Variants in ALK observed in about 807,000 individuals in gnomAD.
The protein encoded by ALK is ALK tyrosine kinase receptor.
A neutral mutation model predicts 163.1 loss-of-function variants in ALK; 74 were observed. The observed-to-expected ratio is 0.45, with a 90% confidence interval of 0.38 to 0.55. The LOEUF is 0.55. Among genes scored for constraint, ALK ranks in the 20% least tolerant of loss-of-function variants. The probability of loss-of-function intolerance (pLI) is 0.00; values close to 1 mark genes in which losing one functional copy is unlikely to be tolerated. For missense variants in ALK, 2,063 were observed against 2,105.3 expected, an observed-to-expected ratio of 0.98 and a Z score of 0.39; for synonymous variants, 960 against 843.2, an observed-to-expected ratio of 1.14 and a Z score of -2.40.
chr2:29,733,389 G>T (rs552320799), intron 1 of ALK, among the ~76,000 whole-genome samples: 2 of 152,320 alleles, frequency 1.3e-5, no homozygotes, highest in Non-Finnish European at 2.9e-5. Context: ...GGGAATCCCA[G>T]ATGGTACCAT....
Position 29,591,033 on chromosome 2 carries a change from C to CGCA in ALK, c.953-58920_953-58918dup, listed in dbSNP as rs1472745430. On this transcript the variant is annotated intron_variant, in intron 3 of 28. Transcript: ENST00000389048. Reference sequence around the variant, plus strand: ...TTGCAGTGAGCCGAGATCGCGCCACCGCACTCCAACCTGGGAGACACAGCG... The same window carrying CGCA: ...TTGCAGTGAGCCGAGATCGCGCCACCGCAGCACTCCAACCTGGGAGACACAGCG... Among the ~76,000 whole-genome samples the CGCA allele has an allele frequency of 2.9e-5, 4 of 137,702 alleles. No homozygotes were observed. In the South Asian group the frequency reaches 9.4e-4, roughly 32 times the overall value. 90.3% of individuals were successfully genotyped at this position (137,702 alleles called of 152,430 possible).
chr2:29,798,930 T>C (rs1297071641), intron 1 of ALK, among the ~76,000 whole-genome samples: 1 of 152,228 alleles, frequency 6.6e-6, no homozygotes, highest in Non-Finnish European at 1.5e-5. Flanking sequence ...TTGGCTCTAT[T>C]CCTCCTGTGC....
intron 1 of ALK, among the ~76,000 whole-genome samples, chr2:29,729,874 C>T (rs1679686819): frequency 6.6e-6 from 1 of 152,200 alleles, no homozygotes; most frequent in African/African-American, 2.4e-5. Context: ...ATACCTCCAG[C>T]ATCCAGAGAA....
intron 4 of ALK, among the ~76,000 whole-genome samples, chr2:29,507,067 T>G (rs953559574): frequency 6.6e-6 from 1 of 152,222 alleles, no homozygotes; most frequent in Admixed American, 6.5e-5. Flanking sequence ...AAGAGGTATT[T>G]GCACAACCAT....
chr2:29,728,956 C>T (rs1395108555), intron 1 of ALK, among the ~76,000 whole-genome samples: 1 of 152,178 alleles, frequency 6.6e-6, no homozygotes, highest in Non-Finnish European at 1.5e-5. Flanking sequence ...ACAGATGCCT[C>T]CAGATCAACC....
chr2:29,901,425 G>C (rs1425056450), intron 1 of ALK, among the ~76,000 whole-genome samples: 1 of 152,124 alleles, frequency 6.6e-6, no homozygotes, highest in African/African-American at 2.4e-5. Flanking sequence ...AGGACAAAGA[G>C]GATTAAACTA....
chr2:29,675,395 T>C (rs1235108570), intron 3 of ALK, among the ~76,000 whole-genome samples: 1 of 151,972 alleles, frequency 6.6e-6, no homozygotes, highest in African/African-American at 2.4e-5. Flanking sequence ...TTATTGAAAA[T>C]CAAGTGAAGG....
intron 26 of ALK, among the ~76,000 whole-genome samples, chr2:29,204,453 C>T (rs1292954286): frequency 6.6e-6 from 1 of 152,134 alleles, no homozygotes; most frequent in Non-Finnish European, 1.5e-5. Flanking sequence ...GTAGAATATT[C>T]CTCAATTGGG....
At chr2:29,673,049 T>C (rs1677754426) in intron 3 of ALK, among the ~76,000 whole-genome samples, 1 of 133,598 alleles carries the variant, frequency 7.5e-6, no homozygotes, top group African/African-American at 3.2e-5. Flanking sequence ...GTAAATTTGT[T>C]TGAGTTCATT....
At position 29,211,751 on chromosome 2, in the gene ALK, C is replaced by T. The variant is rs1292928748; in HGVS notation, c.3744-1873G>A. ...ACATGTAAAAGACGTTTTTTCCATA[C>T]AGATGACCAAATTGCCCCAGAAGGA... is the stretch of plus-strand genomic sequence containing the variant. On this transcript the variant is annotated intron_variant, in intron 24 of 28. Transcript: ENST00000389048. Among the ~76,000 whole-genome samples, 2 of 152,116 alleles carry T rather than the reference C, an allele frequency of 1.3e-5. 1 individual carries two copies. The highest frequency in any genetic ancestry group is 2.9e-5 in the Non-Finnish European group (2 of 67,998).
At chr2:29,818,689 T>A (rs1224256929) in intron 1 of ALK, among the ~76,000 whole-genome samples, 1 of 152,266 alleles carries the variant, frequency 6.6e-6, no homozygotes, top group African/African-American at 2.4e-5. Context: ...AGGGTTTGAC[T>A]GTGGCTGGCA....
intron 9 of ALK, among the ~76,000 whole-genome samples, chr2:29,275,850 C>T (rs1452259591): frequency 6.6e-6 from 1 of 152,114 alleles, no homozygotes; most frequent in Non-Finnish European, 1.5e-5. Context: ...ACAGTAACTG[C>T]TTCGTTCAGT....
chr2:29,746,720 G>C (rs990065907), intron 1 of ALK, among the ~76,000 whole-genome samples: 2 of 152,172 alleles, frequency 1.3e-5, no homozygotes, highest in Non-Finnish European at 2.9e-5. Flanking sequence ...GGGGAGGAAA[G>C]TGCCTGTAAT....
chr2:29,687,339 C>T (rs555916806), intron 3 of ALK, among the ~76,000 whole-genome samples: 1 of 151,946 alleles, frequency 6.6e-6, no homozygotes, highest in Non-Finnish European at 1.5e-5. Context: ...TGCCAGCTGC[C>T]AATGTGCTGT....
At chr2:29,471,408 T>A (rs1671343828) in intron 4 of ALK, among the ~76,000 whole-genome samples, 1 of 152,238 alleles carries the variant, frequency 6.6e-6, no homozygotes, top group Non-Finnish European at 1.5e-5. Context: ...AACAGATCGG[T>A]ATGAATTATA....
rs1664096879 is a variant in ALK at position 29,228,921 on chromosome 2, C to A, written c.2778G>T (p.Gly926=). 4 of 1,494,990 alleles carry A rather than the reference C, an allele frequency of 2.7e-6. No individual in the cohort carries two copies. Among genetic ancestry groups the A allele is most frequent in the African/African-American group, 1.4e-5 (1 of 72,378 alleles). 92.6% of individuals were successfully genotyped at this position (1,494,990 alleles called of 1,614,324 possible). A position where few individuals can be genotyped will look rare whatever the true frequency, so the allele number is the denominator to read the frequency against. ...ETRGGFGGGG[G]GCSSGGGGGG... ...CGCCTCCTCCACCTGAGGAGCACCC[C>A]CCTCCACCCCCTCCGAAACCCCCTC... Residue 926 remains glycine (G), a synonymous_variant, in exon 16 of 29, where the codon GGG becomes GGT. Transcript: ENST00000389048.
In ALK at chr2:29,227,644, G is replaced by A. The variant is rs759086883; in HGVS notation, c.2844C>T (p.Pro948=). 1.2e-5 allele frequency: 20 copies of A among 1,613,882 alleles called. No homozygotes were observed. Among genetic ancestry groups the A allele is most frequent in the African/African-American group, 4.0e-5 (3 of 74,880 alleles). Residue 948 remains proline, a synonymous_variant, in exon 17 of 29, where the codon CCC becomes CCT. Transcript: ENST00000389048. This position sits in a 1 kb window ranked among gnomAD's most constrained non-coding sequence, Gnocchi z 4.4. ...AAACCCCATCTTCCCCATCCATTTC[G>A]GGGTCATTGTTTGAGGCTGCATTGC... ...IGGNAASNND[P]EMDGEDGVSF... is the part of the protein sequence containing the mutation.
intron 7 of ALK, among the ~76,000 whole-genome samples, chr2:29,318,717 C>A (rs1224324109): frequency 6.6e-6 from 1 of 152,096 alleles, no homozygotes; most frequent in African/African-American, 2.4e-5. Context: ...CAGGCGCCTG[C>A]CACCACGCCC....
intron 9 of ALK, among the ~76,000 whole-genome samples, chr2:29,278,882 G>A (rs1665613515): frequency 6.6e-6 from 1 of 152,150 alleles, no homozygotes; most frequent in South Asian, 2.1e-4. Context: ...CAGGACCAGG[G>A]GCCAAGCCAG....
Sources: allele counts gnomAD v4.1 joint callset (sites outside exome capture counted in the v4.1 genomes callset), GRCh38; gene constraint gnomAD v4.1.1; non-coding constraint Gnocchi (gnomAD v3.1); transcripts MANE v1.5; gene names NCBI Gene and HGNC (gene_info 2026-07-23, HGNC 2026-07-21).